The following PLCH2 variants were observed in gnomAD, a reference collection of about 807,000 sequenced individuals.
The protein encoded by PLCH2 is phospholipase C eta 2.
In PLCH2, 98 loss-of-function variants were observed where a neutral mutation model predicts 134.7. The ratio of observed to expected loss-of-function variants is 0.73; its 90% CI spans 0.62 to 0.86. The LOEUF is 0.86. PLCH2 is among the 40% of genes least tolerant of loss of function. The pLI is 0.00. For missense variants in PLCH2, 1,994 were observed against 1,986.6 expected (o/e 1.00, Z -0.07); for synonymous variants, 974 against 827.5 (o/e 1.18, Z -3.04).
rs1557956052 is a variant in PLCH2 at position 2,448,156 on chromosome 1, G to A, written c.115+17527G>A. On this transcript the variant is annotated intron_variant, in intron 2 of 3. Coordinates refer to the PLCH2 transcript ENST00000609981. This position sits in a 1 kb window ranked among gnomAD's most constrained non-coding sequence, Gnocchi z 4.0. ...TGCCCTTGCCCTCCTGGAGCGCCAG[G>A]TGCCCCGGGTGTCTGGAGCACCACG... Among the ~76,000 whole-genome samples, 2 of 152,200 alleles carry A rather than the reference G, an allele frequency of 1.3e-5. No individual in the cohort carries two copies. Among genetic ancestry groups the A allele is most frequent in the Non-Finnish European group, 2.9e-5 (2 of 68,020 alleles).
rs755572589 is a variant in PLCH2, at chr1:2,491,259, C to T, written c.1583C>T (p.Ser528Leu). 1.7e-5 allele frequency: 27 copies of T among 1,613,172 alleles called. No individual in the cohort carries two copies. Among genetic ancestry groups the T allele is most frequent in the Non-Finnish European group, 2.3e-5 (27 of 1,179,802 alleles). ...KRKLDSLIKE[S>L]KIRDCEDPNN... The stretch of plus-strand genomic sequence containing the variant: ...AAACTGGATTCCCTCATCAAAGAGT[C>T]GAAGATTCGGGACTGTGAGGACCCC... The change falls in exon 11 of 22, where the codon TCG (serine) becomes TTG (leucine). Residue 528 changes from serine (S) to leucine (L), a missense_variant. Physicochemically the swap from Ser to Leu is moderately radical, Grantham distance 145. Around this residue, in one of 2 missense-constraint regions of PLCH2, gnomAD observed 1,094 missense variants for 1,234.3 expected, o/e 0.89. Coordinates refer to ENST00000378486, the MANE Select transcript of PLCH2 (RefSeq NM_014638.4).
chr1:2,489,716 G>A (rs1174472125), intron 9 of PLCH2, 44 bp from the exon 10 acceptor site: 3 of 1,480,016 alleles, frequency 2.0e-6, no homozygotes, highest in East Asian at 2.3e-5. Context: ...TGGCTTCCCA[G>A]CATTTTCTCC....
chr1:2,502,101 T>C lies in PLCH2; in HGVS notation c.2662-11T>C. ...CCCTGGCAACAGCTACATGGGCTCC[T>C]TCTCTTGCAGGTCAAGCAGGCTCTG... On this transcript the variant is annotated splice_polypyrimidine_tract_variant and intron_variant, in intron 20 of 21. Coordinates refer to ENST00000378486, the MANE Select transcript of PLCH2 (RefSeq NM_014638.4). 7.0e-7 allele frequency: 1 copy of C among 1,428,772 alleles called. No homozygotes were observed. Among genetic ancestry groups the C allele is most frequent in the Non-Finnish European group, 9.1e-7 (1 of 1,095,300 alleles). The allele number at this position is 1,428,772 out of a possible 1,614,324, so 88.5% of individuals were successfully genotyped here. A position where few individuals can be genotyped will look rare whatever the true frequency, so the allele number is the denominator to read the frequency against.
rs138457007 is a variant in PLCH2 at position 2,448,965 on chromosome 1, G to T, written c.115+18336G>T. 1.3e-5 allele frequency among the ~76,000 whole-genome samples: 2 copies of T among 152,192 alleles called. No homozygotes were observed. The highest frequency in any genetic ancestry group is 4.8e-5 in the African/African-American group (2 of 41,446). ...TTGTACGTGGCTCCTTTGCTGGCGC[G>T]GGGAAAGGGCCGTGGGCTTGGGCCC... On this transcript the variant is annotated intron_variant, in intron 2 of 3. Transcript: ENST00000609981. This position sits in a 1 kb window ranked among gnomAD's most constrained non-coding sequence, Gnocchi z 4.0.
chr1:2,484,241 G>A (rs759534406), intron 4 of PLCH2, among the ~76,000 whole-genome samples: 24 of 152,120 alleles, frequency 1.6e-4, no homozygotes, highest in Admixed American at 3.3e-4. Flanking sequence ...AGGCAGGTGC[G>A]TCAGTTCTGC....
chr1:2,490,384 G>C (rs1175349274), intron 10 of PLCH2, among the ~76,000 whole-genome samples: 1 of 152,202 alleles, frequency 6.6e-6, no homozygotes, highest in Non-Finnish European at 1.5e-5. Context: ...GGTCCCACCA[G>C]CAGTCACCTC....
Position 2,434,036 on chromosome 1 carries a change from G to C in PLCH2, c.115+3407G>C, listed in dbSNP as rs112659432. ...GCTGCTGCCATCAACATCGCAGGAG[G>C]TTCCTTCACAGGCATCGCGCGTCCG... On this transcript the variant is annotated intron_variant, in intron 2 of 3. Transcript: ENST00000609981. Among the ~76,000 whole-genome samples the C allele has an allele frequency of 3.9e-3, 595 of 152,384 alleles. 10 individuals carry two copies. Among genetic ancestry groups the C allele is most frequent in the African/African-American group, 0.014 (567 of 41,598 alleles).
At chr1:2,428,667 G>C (rs1490887280) in intron 1 of PLCH2, among the ~76,000 whole-genome samples, 1 of 152,248 alleles carries the variant, frequency 6.6e-6, no homozygotes, top group South Asian at 2.1e-4. Context: ...GTCGGGGCAC[G>C]GCTCCTGCAC....
chr1:2,489,330 C>T lies in PLCH2; in HGVS notation c.1359C>T (p.Ala453=), dbSNP rs760374466. The T allele has an allele frequency of 6.2e-7, 1 of 1,613,842 alleles. No homozygotes were observed. The highest frequency in any genetic ancestry group is 8.5e-7 in the Non-Finnish European group (1 of 1,179,870). ...TGTCATCAGTGAGCAGTGAAGATGC[C>T]ACCACACTCCCCTCTCCACAGATGC... The part of the protein sequence containing the change: ...LDLSSVSSED[A]TTLPSPQMLK... Residue 453 remains alanine (A), a synonymous_variant, in exon 9 of 22, where the codon GCC becomes GCT. Transcript: ENST00000378486.
intron 9 of PLCH2, 114 bp from the exon 10 acceptor site, chr1:2,489,646 A>C: frequency 1.1e-6 from 1 of 879,256 alleles, no homozygotes. Flanking sequence ...GAGATGCCAA[A>C]ACTGAGCTTG....
At chr1:2,466,197 G>A (rs374985474), upstream of PLCH2, among the ~76,000 whole-genome samples, 3 of 152,286 alleles carry the variant, frequency 2.0e-5, no homozygotes, top group East Asian at 1.9e-4. Flanking sequence ...GAGACCTGGG[G>A]CCCAGAGGGA....
intron 4 of PLCH2, among the ~76,000 whole-genome samples, chr1:2,482,925 G>T (rs769139697): frequency 6.6e-6 from 1 of 152,196 alleles, no homozygotes; most frequent in South Asian, 2.1e-4. Context: ...CATGGCCAGC[G>T]TGCAGGTGGC....
At chr1:2,449,901 C>G (rs1352976054) in intron 2 of PLCH2, among the ~76,000 whole-genome samples, 1 of 152,242 alleles carries the variant, frequency 6.6e-6, no homozygotes, top group Non-Finnish European at 1.5e-5. Context: ...ACCAACAGCC[C>G]TCAGAACTGA....
At chr1:2,475,848 C>T (rs940334981), upstream of PLCH2, among the ~76,000 whole-genome samples, 8 of 152,188 alleles carry the variant, frequency 5.3e-5, no homozygotes, top group African/African-American at 1.7e-4. Context: ...CTCCCCTCTC[C>T]AGCCACAGGG....
chr1:2,456,597 G>C (rs1203838034), intron 2 of PLCH2, among the ~76,000 whole-genome samples: 1 of 152,218 alleles, frequency 6.6e-6, no homozygotes, highest in African/African-American at 2.4e-5. Flanking sequence ...ACCCCTTGGG[G>C]TTGGGGGACA....
At chr1:2,424,676 C>T (rs1425678762), upstream of PLCH2, among the ~76,000 whole-genome samples, 1 of 151,994 alleles carries the variant, frequency 6.6e-6, no homozygotes, top group Admixed American at 6.5e-5. Context: ...CATGGCAAAA[C>T]CCCATCTCTA....
chr1:2,434,878 G>A (rs1002707646), intron 2 of PLCH2, among the ~76,000 whole-genome samples: 2 of 152,160 alleles, frequency 1.3e-5, no homozygotes, highest in African/African-American at 2.4e-5. Flanking sequence ...GTATGTCCTC[G>A]GGCGCCCATG....
intron 21 of PLCH2, 154 bp downstream of exon 21, chr1:2,502,563 A>G (rs1191227484): frequency 1.2e-6 from 1 of 839,692 alleles, no homozygotes; most frequent in African/African-American, 1.7e-5. Flanking sequence ...CTGCAGAGGG[A>G]GCGGCCACCC....
At chr1:2,466,258 C>G (rs1211307937), upstream of PLCH2, among the ~76,000 whole-genome samples, 3 of 152,170 alleles carry the variant, frequency 2.0e-5, no homozygotes, top group African/African-American at 7.2e-5. Flanking sequence ...CGGACACAGG[C>G]CCTGGGACCC....
Sources: allele counts gnomAD v4.1 joint callset (sites outside exome capture counted in the v4.1 genomes callset), GRCh38; gene constraint gnomAD v4.1.1; regional missense constraint gnomAD v4.1.1; non-coding constraint Gnocchi (gnomAD v3.1); transcripts MANE v1.5; gene names NCBI Gene and HGNC (gene_info 2026-07-23, HGNC 2026-07-21).